The following ITGA11 variants were observed in gnomAD, a reference collection of about 807,000 sequenced individuals.
ITGA11 encodes the protein integrin alpha-11.
Under a neutral mutation model 141.9 loss-of-function variants are expected in ITGA11, and 97 were observed. That is an observed-to-expected ratio of 0.68 (90% CI 0.58 to 0.81). The LOEUF (loss-of-function observed/expected upper bound fraction) is 0.81. ITGA11 is among the 30% of genes least tolerant of loss of function. The pLI is 0.00. For missense variants in ITGA11, 1,387 were observed against 1,559.2 expected (o/e 0.89, Z 1.86); for synonymous variants, 658 against 624.6 (o/e 1.05, Z -0.80).
rs1195398543 is a variant in ITGA11 at position 68,325,385 on chromosome 15, A to G, written c.2212-144T>C. 6.2e-6 allele frequency: 4 copies of G among 641,832 alleles called. No individual in the cohort carries two copies. Among genetic ancestry groups the G allele is most frequent in the Admixed American group, 2.4e-5 (1 of 42,104 alleles). 39.8% of individuals were successfully genotyped at this position (641,832 alleles called of 1,614,324 possible). ...GCCCTCAGGGTGAGTCTGCAGGTGG[A>G]TGGAGGTTTCTAGCGGGTCTGTTGG... On this transcript the variant is annotated intron_variant, in intron 17 of 29. Coordinates refer to ENST00000315757, the MANE Select transcript of ITGA11 (RefSeq NM_001004439.2). This position sits in a 1 kb window ranked among gnomAD's most constrained non-coding sequence, Gnocchi z 5.5.
At chr15:68,345,713 G>C (rs1051490847) in intron 10 of ITGA11, among the ~76,000 whole-genome samples, 2 of 152,194 alleles carry the variant, frequency 1.3e-5, no homozygotes, top group African/African-American at 4.8e-5. Context: ...AGGAAGCCTG[G>C]GGGCTTGCCT....
chr15:68,326,774 C>T lies in ITGA11; in HGVS notation c.2091G>A (p.Met697Ile), dbSNP rs370530712. 51 of 1,581,408 alleles carry T rather than the reference C, an allele frequency of 3.2e-5. No homozygotes were observed. The highest frequency in any genetic ancestry group is 3.3e-4 in the Middle Eastern group (2 of 6,058). ...CCCTCGGTGTATACCGCCTCTCATCCATGGTGGCGTTGTATCTGATGCCTG... is the reference window on the plus strand; with the variant it reads ...CCCTCGGTGTATACCGCCTCTCATCTATGGTGGCGTTGTATCTGATGCCTG... ...TTVGIRYNAT[M>I]DERRYTPRAH... Residue 697 changes from methionine (M) to isoleucine (I), a missense_variant, in exon 17 of 30, where the codon ATG becomes ATA. Coordinates refer to ENST00000315757, the MANE Select transcript of ITGA11 (RefSeq NM_001004439.2). The surrounding 1 kb of genome is among the most constrained non-coding windows in gnomAD (Gnocchi z 6.8).
chr15:68,330,958 G>T, intron 15 of ITGA11, 23 bp downstream of exon 15: 1 of 1,613,596 alleles, frequency 6.2e-7, no homozygotes, highest in Non-Finnish European at 8.5e-7. Flanking sequence ...AGCCCAGGAG[G>T]TGGGAACAGC....
chr15:68,428,054 T>C (rs1324940866), intron 1 of ITGA11, among the ~76,000 whole-genome samples: 2 of 151,852 alleles, frequency 1.3e-5, no homozygotes, highest in African/African-American at 2.4e-5. Context: ...CTGGGGAGGG[T>C]TATGATGGAT....
intron 2 of ITGA11, among the ~76,000 whole-genome samples, chr15:68,385,707 G>T (rs996124622): frequency 1.3e-5 from 2 of 152,168 alleles, no homozygotes; most frequent in African/African-American, 2.4e-5. Flanking sequence ...TGTTATTCCC[G>T]GTGGAAATGC....
chr15:68,401,078 C>A (rs573306280), intron 2 of ITGA11, among the ~76,000 whole-genome samples: 2 of 147,100 alleles, frequency 1.4e-5, no homozygotes, highest in Admixed American at 1.4e-4. Context: ...AAAGGGGATA[C>A]AAAAATGGCC....
chr15:68,337,010 T>C (rs1173227235), intron 11 of ITGA11, among the ~76,000 whole-genome samples: 1 of 152,148 alleles, frequency 6.6e-6, no homozygotes. Context: ...GTGGCTAACA[T>C]GGCCATGTAT....
intron 1 of ITGA11, among the ~76,000 whole-genome samples, chr15:68,414,658 AG>A (rs756878738): frequency 1.2e-4 from 18 of 152,146 alleles, no homozygotes; most frequent in Non-Finnish European, 2.4e-4. Flanking sequence ...CTCCCCTCAG[AG>A]GGGAGGAGCA....
Position 68,335,427 on chromosome 15 carries a change from C to T in ITGA11, c.1425+270G>A, listed in dbSNP as rs777583414. Among the ~76,000 whole-genome samples the T allele has an allele frequency of 2.6e-5, 4 of 152,244 alleles. No homozygotes were observed. The highest frequency in any genetic ancestry group is 4.4e-5 in the Non-Finnish European group (3 of 68,044). On this transcript the variant is annotated intron_variant, in intron 12 of 29. Transcript: ENST00000315757. The surrounding 1 kb of genome is among the most constrained non-coding windows in gnomAD (Gnocchi z 4.9). ...AGCACAGTCTGGTTGCCAACCACCTCCCTGTGGGGCAATGGCATTGGCAGC... is the reference window on the plus strand; with the variant it reads ...AGCACAGTCTGGTTGCCAACCACCTTCCTGTGGGGCAATGGCATTGGCAGC...
Position 68,316,217 on chromosome 15 carries a change from T to C in ITGA11, c.2716-490A>G, listed in dbSNP as rs150187738. ...TGGCCCAGAGAGGGATGAGGGCCAG[T>C]GGCCACCCAGCAGGCCAACAAGGCA... On this transcript the variant is annotated intron_variant, in intron 21 of 29. Transcript: ENST00000315757. Among the ~76,000 whole-genome samples the C allele has an allele frequency of 4.7e-3, 718 of 152,314 alleles. 3 individuals are homozygous for C. Among genetic ancestry groups the C allele is most frequent in the African/African-American group, 0.016 (685 of 41,566 alleles).
chr15:68,385,513 G>A (rs866167403), intron 2 of ITGA11, among the ~76,000 whole-genome samples: 7 of 152,210 alleles, frequency 4.6e-5, no homozygotes, highest in African/African-American at 1.7e-4. Flanking sequence ...TTTTAGACAT[G>A]GAAGACCCTA....
intron 4 of ITGA11, among the ~76,000 whole-genome samples, chr15:68,364,405 T>C (rs1449507172): frequency 6.6e-6 from 1 of 152,246 alleles, no homozygotes; most frequent in Non-Finnish European, 1.5e-5. Context: ...TCTACATTTA[T>C]TCTTGTCCCC....
In ITGA11 at chr15:68,432,098, C is replaced by T. The variant is rs1199271601; in HGVS notation, c.-32G>A. On this transcript the variant is annotated 5_prime_UTR_variant, in exon 1 of 30. Coordinates refer to ENST00000315757, the MANE Select transcript of ITGA11 (RefSeq NM_001004439.2). The stretch of plus-strand genomic sequence containing the variant: ...CGGCACGGCGGCTGGGTCCGGTGTG[C>T]AGCGGCGGCGGGGGGCGGCAAGCCA... 1 of 1,357,136 alleles carries T rather than the reference C, an allele frequency of 7.4e-7. No individual in the cohort carries two copies. Among genetic ancestry groups the T allele is most frequent in the South Asian group, 2.1e-5 (1 of 47,672 alleles). The allele number at this position is 1,357,136 out of a possible 1,614,324, so 84.1% of individuals were successfully genotyped here.
chr15:68,372,091 G>A (rs1406041669), intron 2 of ITGA11, among the ~76,000 whole-genome samples: 1 of 152,160 alleles, frequency 6.6e-6, no homozygotes, highest in African/African-American at 2.4e-5. Context: ...GGCTGGGACT[G>A]GAGTTCTCCT....
chr15:68,396,046 CT>C (rs1896230917), intron 2 of ITGA11, among the ~76,000 whole-genome samples: 1 of 151,830 alleles, frequency 6.6e-6, no homozygotes, highest in Non-Finnish European at 1.5e-5. Context: ...TTTATGAGCT[CT>C]GAATAACTGT....
At chr15:68,342,716 C>T (rs7181259) in intron 10 of ITGA11, among the ~76,000 whole-genome samples, 7 of 152,278 alleles carry the variant, frequency 4.6e-5, no homozygotes, top group African/African-American at 1.7e-4. Context: ...GCTGCTCAGC[C>T]GGGGCAGGTT....
chr15:68,417,095 C>G (rs1000441025), intron 1 of ITGA11, among the ~76,000 whole-genome samples: 11 of 152,044 alleles, frequency 7.2e-5, no homozygotes, highest in African/African-American at 2.7e-4. Flanking sequence ...CAACATGGCC[C>G]GAGCTCCTGA....
chr15:68,311,360 T>A lies in ITGA11; in HGVS notation c.3017A>T (p.Lys1006Met), dbSNP rs1567122897. The A allele has an allele frequency of 6.3e-7, 1 of 1,575,762 alleles. No individual in the cohort carries two copies. The highest frequency in any genetic ancestry group is 8.6e-7 in the Non-Finnish European group (1 of 1,159,506). ...GLFPIHGMMM[K>M]ITIPIATRSG... ...CCTGGTGGCGATGGGAATGGTGATC[T>A]TCATCATCATCCCGTGGATGGGGAA... Residue 1006 changes from lysine to methionine, a missense_variant, in exon 25 of 30, where the codon AAG becomes ATG. Coordinates refer to ENST00000315757, the MANE Select transcript of ITGA11 (RefSeq NM_001004439.2).
chr15:68,311,143 A>G (rs749062089), intron 25 of ITGA11, 63 bp from the exon 26 acceptor site: 11 of 1,383,520 alleles, frequency 8.0e-6, no homozygotes, highest in Non-Finnish European at 1.0e-5. Flanking sequence ...TGGCAGACGC[A>G]GGATCCCAGA....
Sources: gnomAD v4.1 joint callset for allele counts (sites outside exome capture counted in the v4.1 genomes callset) on GRCh38, gnomAD v4.1.1 for gene constraint, Gnocchi (gnomAD v3.1) non-coding constraint, MANE v1.5 for transcripts, NCBI Gene and HGNC (gene_info 2026-07-23, HGNC 2026-07-21) for gene names.